Variants in WFDC3 observed in about 807,000 individuals in gnomAD.
WFDC3 encodes the protein WAP four-disulfide core domain protein 3.
In WFDC3, 15 loss-of-function variants were observed where a neutral mutation model predicts 25.8. The observed-to-expected ratio is 0.58, with a 90% CI of 0.39 to 0.89. The LOEUF is 0.89. Ranked by LOEUF, WFDC3 falls within the 40% of genes least tolerant of loss-of-function variation. The pLI is 0.00. For synonymous variants in WFDC3, 103 were observed against 107.1 expected (o/e 0.96, Z 0.24); for missense variants, 264 against 289.8 (o/e 0.91, Z 0.65).
chr20:45,783,357 A>G (rs901114209), intron 4 of WFDC3, among the ~76,000 whole-genome samples: 4 of 152,054 alleles, frequency 2.6e-5, no homozygotes, highest in African/African-American at 9.7e-5. Context: ...TTGTGCCTGT[A>G]GTCCCAGTTT....
chr20:45,776,620 AAGAAAAAAAAAAAAAAT>A (rs1568697383), intron 5 of WFDC3, among the ~76,000 whole-genome samples: 6,247 of 76,486 alleles, frequency 0.082, 290 homozygotes, highest in East Asian at 0.2. Context: ...AAAGAAAAAA[AAGAAAAAAAAAAAAAAT>A]ATATATATAT....
At chr20:45,788,743 A>C in intron 3 of WFDC3, 188 bp downstream of exon 3, 1 of 700,770 alleles carries the variant, frequency 1.4e-6, no homozygotes, top group South Asian at 2.4e-5. Flanking sequence ...CTCTTTCCTG[A>C]TGGAAGGCAA....
chr20:45,788,134 T>C (rs949871129), intron 3 of WFDC3, 152 bp from the exon 4 acceptor site: 1 of 716,722 alleles, frequency 1.4e-6, no homozygotes, highest in East Asian at 3.5e-5. Context: ...AGAAACCCCA[T>C]CTCTACTAAA....
intron 4 of WFDC3, among the ~76,000 whole-genome samples, chr20:45,785,460 CAAAAAAAAAA>C (rs59167815): frequency 2.8e-5 from 2 of 72,562 alleles, no homozygotes; most frequent in South Asian, 8.9e-4. Flanking sequence ...CAGCCTGTCT[CAAAAAAAAAA>C]AAAAAAAAGA....
Position 45,787,839 on chromosome 20 carries a change from G to C in WFDC3, c.355C>G (p.Leu119Val), listed in dbSNP as rs768886024. 4 of 1,611,480 alleles carry C rather than the reference G, an allele frequency of 2.5e-6. No individual in the cohort carries two copies. Among genetic ancestry groups the C allele is most frequent in the South Asian group, 1.1e-5 (1 of 90,674 alleles). The change falls in exon 4 of 7, where the codon CTG becomes GTG. Residue 119 changes from leucine to valine, a missense_variant. Physicochemically the swap from Leu to Val is conservative, Grantham distance 32. Coordinates refer to ENST00000243938, the MANE Select transcript of WFDC3 (RefSeq NM_080614.2). The stretch of plus-strand genomic sequence containing the variant: ...GTGTGGGGACAGCGTTTCTTACCCA[G>C]CTTCTGTTTAGAGATTGGGACTACA... ...SCVVPISKQK[L>V]AEFGGECPAD...
At position 45,783,704 on chromosome 20, in the gene WFDC3, A is replaced by AGG. The variant is rs1369413984; in HGVS notation, c.358+4131_358+4132insCC. 6.6e-5 allele frequency among the ~76,000 whole-genome samples: 10 copies of AGG among 152,056 alleles called. No homozygotes were observed. In the East Asian group the frequency reaches 9.8e-4, roughly 15 times the overall value. ...CAATGTCTGCCCTTGCCCTCAGGCA[A>AGG]CCTGACTGAACCTCCACTTTGCCAA... On this transcript the variant is annotated intron_variant, in intron 4 of 6. Transcript: ENST00000243938.
chr20:45,781,805 C>G (rs1055748800), intron 4 of WFDC3, among the ~76,000 whole-genome samples: 3 of 152,170 alleles, frequency 2.0e-5, no homozygotes, highest in African/African-American at 7.2e-5. Flanking sequence ...AGTTTAGGCA[C>G]AGTGAACCAC....
At chr20:45,775,947 ACTT>A (rs1246639485) in intron 5 of WFDC3, among the ~76,000 whole-genome samples, 4 of 151,820 alleles carry the variant, frequency 2.6e-5, no homozygotes, top group African/African-American at 9.7e-5. Context: ...TCATAGTGTC[ACTT>A]CTTCACGGTG....
At chr20:45,787,782 G>C in intron 4 of WFDC3, 54 bp downstream of exon 4, 1 of 1,549,976 alleles carries the variant, frequency 6.5e-7, no homozygotes, top group African/African-American at 1.4e-5. Flanking sequence ...GCATATTTGA[G>C]AAATAAACAA....
At chr20:45,777,021 A>C in intron 5 of WFDC3, 54 bp downstream of exon 5, 1 of 1,610,132 alleles carries the variant, frequency 6.2e-7, no homozygotes, top group Non-Finnish European at 8.5e-7. Flanking sequence ...AGGGAAAGAG[A>C]AGCACTCTTC....
rs776392629 is a variant in WFDC3 at position 45,787,964 on chromosome 20, G to C, written c.230C>G (p.Pro77Arg). 1.2e-6 allele frequency: 2 copies of C among 1,613,134 alleles called. No homozygotes were observed. The highest frequency in any genetic ancestry group is 3.3e-5 in the Admixed American group (2 of 59,798). Reference sequence around the variant, plus strand: ...ACAGGATTGTTTCCGAATAACCCTAGGGCAATCTCTTTTCCTCCCTGTAGC... The same window carrying C: ...ACAGGATTGTTTCCGAATAACCCTACGGCAATCTCTTTTCCTCCCTGTAGC... ...DIPKGRKRDC[P>R]RVIRKQSCLK... The change falls in exon 4 of 7, where the codon CCT (proline) becomes CGT (arginine). Residue 77 changes from proline to arginine, a missense_variant. Pro to Arg is a moderately radical substitution (Grantham distance 103). Coordinates refer to ENST00000243938, the MANE Select transcript of WFDC3 (RefSeq NM_080614.2).
At chr20:45,789,374 C>T (rs975937773) in intron 2 of WFDC3, among the ~76,000 whole-genome samples, 5 of 151,600 alleles carry the variant, frequency 3.3e-5, no homozygotes, top group African/African-American at 9.7e-5. Context: ...GGCGTGGCGG[C>T]GGGCACCTGT....
chr20:45,791,773 C>T lies in WFDC3; in HGVS notation c.-8+59G>A, dbSNP rs891263803. 1.2e-4 allele frequency: 47 copies of T among 376,502 alleles called. 1 individual carries two copies. Among genetic ancestry groups the T allele is most frequent in the African/African-American group, 8.7e-4 (42 of 48,088 alleles). 23.3% of individuals were successfully genotyped at this position (376,502 alleles called of 1,614,324 possible). On this transcript the variant is annotated intron_variant, in intron 1 of 6. Coordinates refer to ENST00000243938, the MANE Select transcript of WFDC3 (RefSeq NM_080614.2). ...CTTGACTGAACCGCCACTGAACACC[C>T]ACACTGCACAATCGAGGCGCAGCCC...
chr20:45,787,093 CA>C (rs71181858), intron 4 of WFDC3, among the ~76,000 whole-genome samples: 633 of 26,796 alleles, frequency 0.024, no homozygotes, highest in African/African-American at 0.084. Flanking sequence ...GACTCTCTCT[CA>C]AAAAAAAAAA....
In WFDC3 at chr20:45,782,694, T is replaced by A. The variant is rs548358380; in HGVS notation, c.358+5142A>T. Among the ~76,000 whole-genome samples the A allele has an allele frequency of 2.6e-5, 4 of 152,204 alleles. No individual in the cohort carries two copies. In the South Asian group the frequency reaches 8.3e-4, roughly 32 times the overall value. ...TTCGGCCGCCTTCCATTTTTCTATG[T>A]CTGCAGTATCTCCAACCCAGTCTAA... On this transcript the variant is annotated intron_variant, in intron 4 of 6. Coordinates refer to ENST00000243938, the MANE Select transcript of WFDC3 (RefSeq NM_080614.2).
rs1449223066 is a variant in WFDC3 at position 45,789,053 on chromosome 20, T to C, written c.89A>G (p.Glu30Gly). The C allele has an allele frequency of 6.8e-6, 11 of 1,612,298 alleles. No homozygotes were observed. The Admixed American group carries it at 1.9e-4, about 27-fold the overall frequency. Residue 30 changes from glutamate (E) to glycine (G), a missense_variant, in exon 3 of 7, where the codon GAG (glutamate) becomes GGG (glycine). Transcript: ENST00000243938. ...GTTCTTATGGGGAGGGCATTCTCCCTCTTTTGCTGCAAAAGATACTATTTG... is the reference window on the plus strand; with the variant it reads ...GTTCTTATGGGGAGGGCATTCTCCCCCTTTTGCTGCAAAAGATACTATTTG... ...SWITAGEHAK[E>G]GECPPHKNPC... is the part of the protein sequence containing the mutation.
intron 6 of WFDC3, among the ~76,000 whole-genome samples, chr20:45,774,884 G>A (rs1299317581): frequency 2.7e-5 from 4 of 150,402 alleles, no homozygotes; most frequent in Non-Finnish European, 5.9e-5. Flanking sequence ...AGAGGTTGCA[G>A]TGAGTCGAGA....
At chr20:45,784,852 C>T (rs895052564) in intron 4 of WFDC3, among the ~76,000 whole-genome samples, 1 of 152,182 alleles carries the variant, frequency 6.6e-6, no homozygotes, top group Admixed American at 6.5e-5. Context: ...TACAACAAGC[C>T]TTCGAGGTTT....
At chr20:45,776,636 AT>A (rs1429700902) in intron 5 of WFDC3, among the ~76,000 whole-genome samples, 9,452 of 77,018 alleles carry the variant, frequency 0.12, 384 homozygotes, top group South Asian at 0.22. Flanking sequence ...AAAAAAAAAA[AT>A]ATATATATAT....
Sources: gnomAD v4.1 joint callset for allele counts (sites outside exome capture counted in the v4.1 genomes callset) on GRCh38, gnomAD v4.1.1 for gene constraint, MANE v1.5 for transcripts, NCBI Gene and HGNC (gene_info 2026-07-23, HGNC 2026-07-21) for gene names.